The following PDZRN4 variants were observed in gnomAD, a reference collection of about 807,000 sequenced individuals.
The protein encoded by PDZRN4 is PDZ domain-containing RING finger protein 4.
In PDZRN4, 70 loss-of-function variants were observed where a neutral mutation model predicts 99.0. The observed-to-expected ratio is 0.71, with a 90% confidence interval of 0.58 to 0.86. PDZRN4 has a LOEUF of 0.86. Among genes scored for constraint, PDZRN4 ranks in the 40% least tolerant of loss-of-function variants. The pLI is 0.00. For synonymous variants in PDZRN4, 551 were observed against 501.6 expected (o/e 1.10, Z -1.32); for missense variants, 1,474 against 1,331.2 (o/e 1.11, Z -1.67).
intron 3 of PDZRN4, among the ~76,000 whole-genome samples, chr12:41,424,156 G>C (rs1278267158): frequency 2.0e-5 from 3 of 152,192 alleles, no homozygotes; most frequent in African/African-American, 7.2e-5. Context: ...TAAGGAATTA[G>C]CTTAAACTAC....
intron 3 of PDZRN4, among the ~76,000 whole-genome samples, chr12:41,378,749 C>G (rs894177384): frequency 1.3e-5 from 2 of 152,098 alleles, no homozygotes; most frequent in African/African-American, 4.8e-5. Flanking sequence ...TCTTGAACTC[C>G]TGACCTCAGG....
At chr12:41,229,700 C>G (rs10785174) in intron 3 of PDZRN4, among the ~76,000 whole-genome samples, 101,290 of 151,874 alleles carry the variant, frequency 0.67, 33,906 homozygotes, top group South Asian at 0.73. Flanking sequence ...TGTAACCCTT[C>G]TTGTGCTGGC....
chr12:41,466,751 G>GTTTTT (rs61259671), intron 3 of PDZRN4, among the ~76,000 whole-genome samples: 6 of 122,150 alleles, frequency 4.9e-5, no homozygotes, highest in African/African-American at 1.9e-4. Flanking sequence ...TATTTCCAGT[G>GTTTTT]TTTTTTTTTT....
At chr12:41,223,572 A>C (rs1950972724) in intron 3 of PDZRN4, among the ~76,000 whole-genome samples, 1 of 152,224 alleles carries the variant, frequency 6.6e-6, no homozygotes, top group Non-Finnish European at 1.5e-5. Flanking sequence ...ATTCCAAATC[A>C]GAGTAATTTT....
intron 3 of PDZRN4, among the ~76,000 whole-genome samples, chr12:41,419,653 G>A (rs891037885): frequency 6.6e-6 from 1 of 152,070 alleles, no homozygotes; most frequent in Non-Finnish European, 1.5e-5. Flanking sequence ...CAGGAGTGGG[G>A]TACATTAGTG....
intron 3 of PDZRN4, among the ~76,000 whole-genome samples, chr12:41,361,415 C>G (rs1951962900): frequency 6.6e-6 from 1 of 151,834 alleles, no homozygotes; most frequent in South Asian, 2.1e-4. Context: ...GATGATTGTC[C>G]CTGAATTGGT....
chr12:41,265,305 A>G (rs1418193672), intron 3 of PDZRN4, among the ~76,000 whole-genome samples: 4 of 152,188 alleles, frequency 2.6e-5, no homozygotes, highest in African/African-American at 9.7e-5. Flanking sequence ...TGGATCATCA[A>G]CCCAAGTTAT....
intron 3 of PDZRN4, among the ~76,000 whole-genome samples, chr12:41,500,666 T>A (rs939848455): frequency 6.6e-6 from 1 of 152,044 alleles, no homozygotes; most frequent in Non-Finnish European, 1.5e-5. Context: ...CTTTTTATTA[T>A]AAATATGTTT....
chr12:41,439,812 G>T (rs1376885692), intron 3 of PDZRN4, among the ~76,000 whole-genome samples: 2 of 152,104 alleles, frequency 1.3e-5, no homozygotes, highest in South Asian at 2.1e-4. Flanking sequence ...CCATTTAACT[G>T]GCTTTTATTA....
chr12:41,223,194 G>C (rs1241136052), intron 3 of PDZRN4, among the ~76,000 whole-genome samples: 1 of 152,124 alleles, frequency 6.6e-6, no homozygotes, highest in Non-Finnish European at 1.5e-5. Context: ...GGAACTCATA[G>C]TAAGCATGTG....
At chr12:41,506,750 T>A (rs1256444835) in intron 4 of PDZRN4, 38 bp downstream of exon 4, 12 of 1,568,898 alleles carry the variant, frequency 7.6e-6, no homozygotes, top group Non-Finnish European at 1.0e-5. Flanking sequence ...CCTGTTTGTT[T>A]CCATTTGTCA....
intron 3 of PDZRN4, among the ~76,000 whole-genome samples, chr12:41,472,690 G>A: frequency 6.6e-6 from 1 of 152,178 alleles, no homozygotes; most frequent in East Asian, 1.9e-4. Context: ...GTCACTCTAA[G>A]AGGTTTATGT....
intron 3 of PDZRN4, among the ~76,000 whole-genome samples, chr12:41,423,291 C>A (rs1285865335): frequency 6.6e-6 from 1 of 151,976 alleles, no homozygotes; most frequent in Non-Finnish European, 1.5e-5. Flanking sequence ...GCTATCCCTC[C>A]CCTAGTCCCC....
chr12:41,357,717 T>A (rs1157086622), intron 3 of PDZRN4, among the ~76,000 whole-genome samples: 1 of 151,992 alleles, frequency 6.6e-6, no homozygotes, highest in African/African-American at 2.4e-5. Context: ...TGTGAGGCAA[T>A]AGGTTTTGGC....
chr12:41,443,037 G>T (rs981013), intron 3 of PDZRN4, among the ~76,000 whole-genome samples: 25,720 of 152,082 alleles, frequency 0.17, 2,278 homozygotes, highest in South Asian at 0.27. Context: ...CTACTCAGCA[G>T]ATGTCTTAAA....
At chr12:41,382,464 A>T (rs982293847) in intron 3 of PDZRN4, among the ~76,000 whole-genome samples, 1 of 152,154 alleles carries the variant, frequency 6.6e-6, no homozygotes, top group African/African-American at 2.4e-5. Flanking sequence ...TCATCCCCTC[A>T]TTGGTTGATT....
intron 8 of PDZRN4, 109 bp downstream of exon 8, chr12:41,563,758 C>T (rs1939314467): frequency 1.3e-6 from 1 of 777,354 alleles, no homozygotes; most frequent in Non-Finnish European, 2.1e-6. Flanking sequence ...TCTATCAAAT[C>T]ATTATCACGG....
At chr12:41,334,503 C>T (rs1393433053) in intron 3 of PDZRN4, among the ~76,000 whole-genome samples, 1 of 152,060 alleles carries the variant, frequency 6.6e-6, no homozygotes, top group Non-Finnish European at 1.5e-5. Context: ...GCACCATCAC[C>T]TCCTTATCTC....
At chr12:41,540,443 G>C (rs1938829638) in intron 5 of PDZRN4, among the ~76,000 whole-genome samples, 1 of 152,022 alleles carries the variant, frequency 6.6e-6, no homozygotes. Context: ...TTCTTTCTTT[G>C]ATCTACCTTC....
Sources: allele counts gnomAD v4.1 joint callset (sites outside exome capture counted in the v4.1 genomes callset), GRCh38; gene constraint gnomAD v4.1.1; transcripts MANE v1.5; gene names NCBI Gene and HGNC (gene_info 2026-07-23, HGNC 2026-07-21).